The following PIH1D2 variants were observed in gnomAD, a reference collection of about 807,000 sequenced individuals.
PIH1D2 encodes the protein PIH1 domain containing 2.
A neutral mutation model predicts 31.2 loss-of-function variants in PIH1D2; 25 were observed. That is an observed-to-expected ratio of 0.80 (90% confidence interval 0.58 to 1.12). PIH1D2 has a LOEUF of 1.12. Ranked by LOEUF, PIH1D2 falls within the 50% of genes most tolerant of loss-of-function variation. PIH1D2 has a pLI of 0.00. For synonymous variants in PIH1D2, 116 were observed against 119.9 expected (o/e 0.97, Z 0.21); for missense variants, 310 against 356.6 (o/e 0.87, Z 1.05).
At chr11:112,061,333 A>G, downstream of PIH1D2, 1 of 719,546 alleles carries the variant, frequency 1.4e-6, no homozygotes, top group South Asian at 1.6e-5. Flanking sequence ...TTTGCATATA[A>G]CCTACACACA....
downstream of PIH1D2, among the ~76,000 whole-genome samples, chr11:112,062,140 A>G (rs1374660955): frequency 6.6e-6 from 1 of 152,214 alleles, no homozygotes; most frequent in African/African-American, 2.4e-5. Flanking sequence ...GAAGGGAGGC[A>G]TAAACAAGAC....
At chr11:112,066,708 T>A (rs1864938046), downstream of PIH1D2, among the ~76,000 whole-genome samples, 1 of 151,998 alleles carries the variant, frequency 6.6e-6, no homozygotes, top group Non-Finnish European at 1.5e-5. Flanking sequence ...CAAGTCTATA[T>A]ATGATACTAA....
At chr11:112,056,724 T>A in the PIH1D2 span, among the ~76,000 whole-genome samples, 1 of 152,222 alleles carries the variant, frequency 6.6e-6, no homozygotes, top group Admixed American at 6.5e-5. Flanking sequence ...GGTAAAATTA[T>A]GTTTAATTTT....
downstream of PIH1D2, chr11:112,060,190 GTCTC>G (rs1476872233): frequency 5.7e-5 from 46 of 802,620 alleles, no homozygotes; most frequent in African/African-American, 8.0e-4. Context: ...TTGAGACGGA[GTCTC>G]TCTGTCACCC....
chr11:112,054,103 G>A, the PIH1D2 span, among the ~76,000 whole-genome samples: 13 of 151,362 alleles, frequency 8.6e-5, no homozygotes, highest in Admixed American at 6.6e-4. Context: ...GAGGTCAAGC[G>A]TTCGAGATCA....
downstream of PIH1D2, chr11:112,061,092 G>A (rs1555183216): frequency 1.2e-6 from 2 of 1,613,618 alleles, no homozygotes; most frequent in East Asian, 4.5e-5. Context: ...GAATTTCTCT[G>A]CTATTATTAA....
chr11:112,073,331 G>T, intron 1 of PIH1D2, 126 bp from the exon 2 acceptor site: 2 of 584,666 alleles, frequency 3.4e-6, no homozygotes, highest in Non-Finnish European at 5.8e-6. Context: ...TGTCTAAAAG[G>T]TTGTGGATCA....
chr11:112,060,823 A>G (rs1377495679), downstream of PIH1D2, among the ~76,000 whole-genome samples: 1 of 152,184 alleles, frequency 6.6e-6, no homozygotes, highest in Non-Finnish European at 1.5e-5. Flanking sequence ...TCAATCATAT[A>G]TCCAAAAGAA....
At chr11:112,071,847 C>T in intron 2 of PIH1D2, 89 bp from the exon 3 acceptor site, 3 of 1,445,874 alleles carry the variant, frequency 2.1e-6, no homozygotes, top group Non-Finnish European at 2.9e-6. Context: ...AATCCGAGCA[C>T]TTTGGGGGTC....
downstream of PIH1D2, among the ~76,000 whole-genome samples, chr11:112,058,718 T>A (rs1864306866): frequency 6.6e-6 from 1 of 151,984 alleles, no homozygotes; most frequent in Non-Finnish European, 1.5e-5. Context: ...TAACAGTACT[T>A]GTGTCTGGTG....
rs1865111740 is a variant in PIH1D2, at chr11:112,071,562, G to A, written c.301+73C>T. The A allele has an allele frequency of 7.3e-6, 11 of 1,504,676 alleles. No individual in the cohort carries two copies. The South Asian group carries it at 1.1e-4, about 15-fold the overall frequency. The allele number at this position is 1,504,676 out of a possible 1,614,324, so 93.2% of individuals were successfully genotyped here. A position where few individuals can be genotyped will look rare whatever the true frequency, so the allele number is the denominator to read the frequency against. The stretch of plus-strand genomic sequence containing the variant: ...ACAAATAAAGAGTTTTACTTGAAAT[G>A]CTCTCAACCAAGTAAGATCTTGTCC... On this transcript the variant is annotated intron_variant, in intron 3 of 5. Transcript: ENST00000280350.
intron 3 of PIH1D2, 47 bp from the exon 4 acceptor site, chr11:112,071,330 C>G (rs782708083): frequency 1.3e-6 from 2 of 1,554,048 alleles, no homozygotes; most frequent in Admixed American, 1.9e-5. Flanking sequence ...AATTGTTGCA[C>G]TAATGATACT....
downstream of PIH1D2, chr11:112,062,603 A>G: frequency 1.3e-6 from 2 of 1,535,530 alleles, no homozygotes; most frequent in Non-Finnish European, 1.8e-6. Context: ...TTTATATGTT[A>G]TTAAACAGGT....
Position 112,067,797 on chromosome 11 carries a change from CTT to C in PIH1D2, c.*72_*73del. 5 of 1,550,934 alleles carry C rather than the reference CTT, an allele frequency of 3.2e-6. No homozygotes were observed. Among genetic ancestry groups the C allele is most frequent in the Non-Finnish European group, 3.5e-6 (4 of 1,150,206 alleles). The stretch of plus-strand genomic sequence containing the variant: ...TGGTGTTTAAGATAAACTACTACCT[CTT>C]TAGCCAAAATGAAGGTCCTTTAATT... On this transcript the variant is annotated 3_prime_UTR_variant, in exon 6 of 6. Coordinates refer to ENST00000280350, the MANE Select transcript of PIH1D2 (RefSeq NM_138789.4).
At chr11:112,073,631 G>A (rs180775373) in intron 1 of PIH1D2, among the ~76,000 whole-genome samples, 18 of 152,168 alleles carry the variant, frequency 1.2e-4, no homozygotes, top group African/African-American at 3.9e-4. Context: ...CTAGATTCCG[G>A]TCTTAGTTCT....
chr11:112,061,372 T>C (rs138697437), downstream of PIH1D2: 62 of 597,954 alleles, frequency 1.0e-4, no homozygotes, highest in East Asian at 1.1e-3. Flanking sequence ...TCTTGACTTA[T>C]AATAATACAA....
chr11:112,069,753 CA>C (rs1341779402), intron 5 of PIH1D2: 2 of 152,196 alleles, frequency 1.3e-5, no homozygotes, highest in Non-Finnish European at 2.9e-5. Flanking sequence ...GGAGCCCTCA[CA>C]ATGTCTGCCT....
chr11:112,064,893 T>A (rs1239165116), downstream of PIH1D2, among the ~76,000 whole-genome samples: 4 of 147,374 alleles, frequency 2.7e-5, no homozygotes, highest in Non-Finnish European at 5.9e-5. Context: ...CAGGCTGGAG[T>A]CCAGTGGCAC....
chr11:112,053,088 G>A, the PIH1D2 span, among the ~76,000 whole-genome samples: 1 of 152,032 alleles, frequency 6.6e-6, no homozygotes, highest in South Asian at 2.1e-4. Context: ...TTGAGAGGCC[G>A]AGGCAGGTGG....
Sources: gnomAD v4.1 joint callset for allele counts (sites outside exome capture counted in the v4.1 genomes callset) on GRCh38, gnomAD v4.1.1 for gene constraint, MANE v1.5 for transcripts, NCBI Gene and HGNC (gene_info 2026-07-23, HGNC 2026-07-21) for gene names.